The following CSMD1 variants were observed in gnomAD, a reference collection of about 807,000 sequenced individuals.
The protein encoded by CSMD1 is CUB and Sushi multiple domains 1.
Under a neutral mutation model 417.5 loss-of-function variants are expected in CSMD1, and 213 were observed. The ratio of observed to expected loss-of-function variants is 0.51; its 90% confidence interval spans 0.46 to 0.57. The LOEUF (loss-of-function observed/expected upper bound fraction) is 0.57, where lower values mean the gene tolerates loss of function less well. Among genes scored for constraint, CSMD1 ranks in the 20% least tolerant of loss-of-function variants. The pLI is 0.00. For synonymous variants in CSMD1, 2,862 were observed against 1,736.8 expected (o/e 1.65, Z -16.11); for missense variants, 6,923 against 4,529.7 (o/e 1.53, Z -15.17).
chr8:4,103,025 G>A (rs79200833), intron 3 of CSMD1, among the ~76,000 whole-genome samples: 1 of 152,128 alleles, frequency 6.6e-6, no homozygotes, highest in East Asian at 1.9e-4. Flanking sequence ...CTTTGACATT[G>A]TGAGTTGACT....
intron 52 of CSMD1, among the ~76,000 whole-genome samples, chr8:3,016,558 C>G (rs1762233388): frequency 6.6e-6 from 1 of 152,206 alleles, no homozygotes; most frequent in Admixed American, 6.5e-5. Flanking sequence ...TATTTATTAA[C>G]TTTCAAAATG....
chr8:4,274,240 G>A (rs573574097), intron 3 of CSMD1, among the ~76,000 whole-genome samples: 19 of 152,210 alleles, frequency 1.2e-4, no homozygotes, highest in African/African-American at 4.3e-4. Flanking sequence ...GAAATAATCA[G>A]CATTTTATTA....
rs563342850 is a variant in CSMD1, at chr8:3,276,560, G to C, written c.4153+7584C>G. Among the ~76,000 whole-genome samples the C allele has an allele frequency of 2.7e-4, 41 of 152,222 alleles. No homozygotes were observed. In the South Asian group the frequency reaches 7.3e-3, roughly 27 times the overall value. ...GAAGAAAGACCTGCTCCCATGATTC[G>C]ATTACCTCCCACTGGGTCCCTCCCA... On this transcript the variant is annotated intron_variant, in intron 26 of 69. Coordinates refer to ENST00000635120, the MANE Select transcript of CSMD1 (RefSeq NM_033225.6).
At chr8:4,510,878 C>G (rs1390679461) in intron 2 of CSMD1, among the ~76,000 whole-genome samples, 1 of 146,120 alleles carries the variant, frequency 6.8e-6, no homozygotes, top group Non-Finnish European at 1.5e-5. Context: ...TCCTTCCTTC[C>G]CTCCCTCCCT....
intron 3 of CSMD1, among the ~76,000 whole-genome samples, chr8:4,168,575 G>A (rs1318301728): frequency 6.6e-6 from 1 of 151,970 alleles, no homozygotes; most frequent in Non-Finnish European, 1.5e-5. Flanking sequence ...AAGGACAATA[G>A]ACGGGCTTTG....
chr8:4,453,885 G>C (rs551893831), intron 2 of CSMD1, among the ~76,000 whole-genome samples: 44 of 136,720 alleles, frequency 3.2e-4, no homozygotes, highest in Non-Finnish European at 5.2e-4. Flanking sequence ...GCACTGGCGC[G>C]ACCTCGGCTC....
chr8:3,855,202 T>C (rs1804209124), intron 5 of CSMD1, among the ~76,000 whole-genome samples: 1 of 152,224 alleles, frequency 6.6e-6, no homozygotes, highest in Admixed American at 6.5e-5. Context: ...TTATTAAAAC[T>C]AATGGACAAG....
intron 1 of CSMD1, among the ~76,000 whole-genome samples, chr8:4,692,942 G>A (rs1806866525): frequency 6.6e-6 from 1 of 152,052 alleles, no homozygotes; most frequent in South Asian, 2.1e-4. Flanking sequence ...ATTGACAGTG[G>A]GCCAATCCCC....
intron 4 of CSMD1, among the ~76,000 whole-genome samples, chr8:4,000,532 T>C (rs918768790): frequency 1.3e-5 from 2 of 152,234 alleles, no homozygotes; most frequent in African/African-American, 4.8e-5. Context: ...GTTGGGATAA[T>C]GGTGAATCAG....
chr8:4,921,012 A>G lies in CSMD1; in HGVS notation c.85+73320T>C, dbSNP rs57294013. Among the ~76,000 whole-genome samples, 40 of 9,922 alleles carry G rather than the reference A, an allele frequency of 4.0e-3. 2 individuals carry two copies. Among genetic ancestry groups the G allele is most frequent in the Admixed American group, 0.017 (10 of 594 alleles). 6.5% of individuals were successfully genotyped at this position (9,922 alleles called of 152,430 possible). On this transcript the variant is annotated intron_variant, in intron 1 of 69. Coordinates refer to ENST00000635120, the MANE Select transcript of CSMD1 (RefSeq NM_033225.6). ...AAAGAAAGAAAAGAAAGAAAGAAAG[A>G]AAAGAAAGAAAGGAAGAAAGAAAGG...
chr8:4,779,435 C>G (rs1041414268), intron 1 of CSMD1, among the ~76,000 whole-genome samples: 2 of 151,994 alleles, frequency 1.3e-5, no homozygotes, highest in Non-Finnish European at 2.9e-5. Context: ...AAAGAGAAAA[C>G]TCACCACAAT....
At chr8:4,454,016 G>GT (rs1176260185) in intron 2 of CSMD1, among the ~76,000 whole-genome samples, 1 of 151,584 alleles carries the variant, frequency 6.6e-6, no homozygotes, top group Non-Finnish European at 1.5e-5. Flanking sequence ...TAGAGACGGG[G>GT]TTTCACCGTG....
chr8:4,798,806 G>A (rs891449338), intron 1 of CSMD1, among the ~76,000 whole-genome samples: 2 of 152,132 alleles, frequency 1.3e-5, no homozygotes, highest in African/African-American at 2.4e-5. Flanking sequence ...ACTGGGAGAA[G>A]AAAAATAATC....
chr8:4,745,449 G>C (rs751481195), intron 1 of CSMD1, among the ~76,000 whole-genome samples: 21 of 152,112 alleles, frequency 1.4e-4, no homozygotes, highest in Non-Finnish European at 2.6e-4. Flanking sequence ...TTGAAAGAAA[G>C]CTCTCTTAGA....
At chr8:4,629,856 T>G (rs1029611536) in intron 2 of CSMD1, among the ~76,000 whole-genome samples, 39 of 152,312 alleles carry the variant, frequency 2.6e-4, no homozygotes, top group African/African-American at 7.0e-4. Flanking sequence ...GGCTGTCTGC[T>G]TGTTCTTCTG....
At chr8:4,690,982 C>A (rs990349073) in intron 1 of CSMD1, among the ~76,000 whole-genome samples, 2 of 152,196 alleles carry the variant, frequency 1.3e-5, no homozygotes, top group African/African-American at 4.8e-5. Context: ...CTGCCGTGGC[C>A]TCCCAAAGTG....
At chr8:4,150,172 T>C (rs116958590) in intron 3 of CSMD1, among the ~76,000 whole-genome samples, 32 of 152,288 alleles carry the variant, frequency 2.1e-4, no homozygotes, top group Non-Finnish European at 3.7e-4. Flanking sequence ...AAAATCCAGG[T>C]ATGTCCTGAG....
Position 3,110,169 on chromosome 8 carries a change from G to A in CSMD1, c.6597C>T (p.Tyr2199=), listed in dbSNP as rs892094593. Residue 2199 remains tyrosine, a synonymous_variant, in exon 43 of 70, where the codon TAC becomes TAT. Transcript: ENST00000635120. ...TLLQTEAVND[Y]IAVWDGPDQN... is the part of the protein sequence containing the mutation. ...AGAGGTTCTCATACCAAACAGCAAT[G>A]TAATCGTTGACAGCTTCCGTCTGTA... 1.2e-6 allele frequency: 2 copies of A among 1,607,152 alleles called. No homozygotes were observed. Among genetic ancestry groups the A allele is most frequent in the Middle Eastern group, 1.7e-4 (1 of 5,956 alleles).
Position 4,709,399 on chromosome 8 carries a change from A to G in CSMD1, c.86-71841T>C, listed in dbSNP as rs150897412. ...GCAGCAATTTGGAGCCAAGGGACGA[A>G]CATAAAGACTCTTTTTACTTGGGGC... is the stretch of plus-strand genomic sequence containing the variant. On this transcript the variant is annotated intron_variant, in intron 1 of 69. Transcript: ENST00000635120. Among the ~76,000 whole-genome samples the G allele has an allele frequency of 5.3e-5, 8 of 152,242 alleles. No individual in the cohort carries two copies. In the East Asian group the frequency reaches 1.5e-3, roughly 29 times the overall value.
Sources: gnomAD v4.1 joint callset for allele counts (sites outside exome capture counted in the v4.1 genomes callset) on GRCh38, gnomAD v4.1.1 for gene constraint, MANE v1.5 for transcripts, NCBI Gene and HGNC (gene_info 2026-07-23, HGNC 2026-07-21) for gene names.